CNTNAP3B: variants seen among roughly 807,000 people sequenced by gnomAD.
CNTNAP3B encodes contactin associated protein family member 3B, also known as contactin-associated protein-like 3B.
CNTNAP3B carries 25 observed loss-of-function variants against 108.9 expected under a neutral mutation model. The observed-to-expected ratio is 0.23, with a 90% CI of 0.17 to 0.32. The LOEUF is 0.32. Among genes scored for constraint, CNTNAP3B ranks in the 10% least tolerant of loss-of-function variants. The probability of loss-of-function intolerance (pLI) is 1.00; values close to 1 mark genes in which losing one functional copy is unlikely to be tolerated. For synonymous variants in CNTNAP3B, 103 were observed against 473.4 expected, an observed-to-expected ratio of 0.22 and a Z score of 10.16; for missense variants, 252 against 1,210.4, an observed-to-expected ratio of 0.21 and a Z score of 11.75.
At chr9:41,918,660 C>A (rs1303359913) in intron 18 of CNTNAP3B, among the ~76,000 whole-genome samples, 2 of 141,538 alleles carry the variant, frequency 1.4e-5, no homozygotes, top group African/African-American at 5.5e-5. Flanking sequence ...CATTTACTTA[C>A]CATATAACGT....
chr9:42,127,718 A>G (rs933995132), intron 1 of CNTNAP3B, among the ~76,000 whole-genome samples: 1 of 139,648 alleles, frequency 7.2e-6, no homozygotes, highest in Non-Finnish European at 1.5e-5. Context: ...TGACCAAAGC[A>G]ATCCGGAGCT....
At chr9:41,956,196 C>T (rs1464806027) in intron 12 of CNTNAP3B, among the ~76,000 whole-genome samples, 5 of 152,148 alleles carry the variant, frequency 3.3e-5, no homozygotes, top group Non-Finnish European at 7.3e-5. Context: ...ACCATCCTGG[C>T]TAACATAGTA....
chr9:42,127,240 C>T (rs1250652992), intron 1 of CNTNAP3B, among the ~76,000 whole-genome samples: 4 of 138,520 alleles, frequency 2.9e-5, no homozygotes, highest in Non-Finnish European at 6.2e-5. Flanking sequence ...GTGCTGAGTC[C>T]GTTTGGAATA....
intron 14 of CNTNAP3B, among the ~76,000 whole-genome samples, chr9:41,935,940 C>T (rs1462018893): frequency 6.6e-6 from 1 of 152,290 alleles, no homozygotes; most frequent in Non-Finnish European, 1.5e-5. Context: ...ATCCCCTCCT[C>T]AAACTCAGTT....
At chr9:42,121,412 G>T (rs1828459190) in intron 1 of CNTNAP3B, among the ~76,000 whole-genome samples, 1 of 138,996 alleles carries the variant, frequency 7.2e-6, no homozygotes, top group African/African-American at 2.9e-5. Flanking sequence ...TTCCAGAATG[G>T]AATGTGGGCA....
intron 2 of CNTNAP3B, among the ~76,000 whole-genome samples, chr9:42,101,984 G>T (rs1313053920): frequency 3.6e-5 from 3 of 83,496 alleles, no homozygotes; most frequent in African/African-American, 1.4e-4. Context: ...TTGAGCTCAG[G>T]AGGCGGAGCT....
intron 15 of CNTNAP3B, among the ~76,000 whole-genome samples, chr9:41,927,503 C>A (rs1199474962): frequency 1.4e-5 from 2 of 143,044 alleles, no homozygotes; most frequent in Admixed American, 7.3e-5. Context: ...GTATAAAAGC[C>A]AGACTGAATG....
intron 12 of CNTNAP3B, among the ~76,000 whole-genome samples, chr9:41,957,730 T>G (rs1331319307): frequency 6.6e-6 from 1 of 152,248 alleles, no homozygotes; most frequent in Non-Finnish European, 1.5e-5. Context: ...CCCTGCCATA[T>G]CTGACTCTGG....
chr9:41,927,399 A>G (rs1408505630), intron 15 of CNTNAP3B, among the ~76,000 whole-genome samples: 17 of 146,184 alleles, frequency 1.2e-4, no homozygotes, highest in Admixed American at 6.9e-5. Context: ...AGAAAAAAAG[A>G]AGACAGGAAA....
intron 15 of CNTNAP3B, among the ~76,000 whole-genome samples, chr9:41,926,980 T>C (rs1237458581): frequency 6.6e-6 from 1 of 152,308 alleles, no homozygotes; most frequent in East Asian, 1.9e-4. Context: ...GCTACAAATT[T>C]CCAGGGGTTA....
chr9:41,940,879 G>A (rs1824321149), intron 13 of CNTNAP3B, among the ~76,000 whole-genome samples: 1 of 152,284 alleles, frequency 6.6e-6, no homozygotes, highest in Admixed American at 6.5e-5. Flanking sequence ...TTTGTCGCTA[G>A]CAGACATTCC....
intron 4 of CNTNAP3B, among the ~76,000 whole-genome samples, chr9:42,004,767 TTAGAA>T (rs1223806586): frequency 3.4e-5 from 4 of 118,758 alleles, no homozygotes; most frequent in African/African-American, 8.7e-5. Context: ...TAATAATAAG[TTAGAA>T]TAGATGTATT....
At position 42,121,230 on chromosome 9, in the gene CNTNAP3B, G is replaced by A. The variant is rs1221757340; in HGVS notation, c.85+7780C>T. On this transcript the variant is annotated intron_variant, in intron 1 of 23. Coordinates refer to ENST00000377561, the MANE Select transcript of CNTNAP3B (RefSeq NM_001201380.3). ...CCTGAGAGCTTCCCAGGGAGTTCAC[G>A]CCCCAGTTGCTCACAGAAGTGACCA... 2.3e-4 allele frequency among the ~76,000 whole-genome samples: 32 copies of A among 138,508 alleles called. 3 individuals carry two copies. Among genetic ancestry groups the A allele is most frequent in the African/African-American group, 6.6e-4 (23 of 34,792 alleles). 90.9% of individuals were successfully genotyped at this position (138,508 alleles called of 152,430 possible).
chr9:41,983,115 A>G (rs1197416557), intron 9 of CNTNAP3B, among the ~76,000 whole-genome samples: 1 of 133,568 alleles, frequency 7.5e-6, no homozygotes, highest in African/African-American at 3.0e-5. Context: ...GGGTGATGGA[A>G]TAATCTGTAC....
Position 42,080,441 on chromosome 9 carries a change from C to T in CNTNAP3B, c.197-3379G>A, listed in dbSNP as rs1225586957. On this transcript the variant is annotated intron_variant, in intron 2 of 23. Transcript: ENST00000377561. ...TTTTAAGGGTAAGCTGCTGTGCACA[C>T]AATTTAATTAAACGCTGAGTGGAAA... is the stretch of plus-strand genomic sequence containing the variant. 1.4e-5 allele frequency among the ~76,000 whole-genome samples: 2 copies of T among 139,318 alleles called. 1 individual carries two copies. The highest frequency in any genetic ancestry group is 3.1e-5 in the Non-Finnish European group (2 of 65,014). 91.4% of individuals were successfully genotyped at this position (139,318 alleles called of 152,430 possible).
intron 1 of CNTNAP3B, among the ~76,000 whole-genome samples, chr9:42,119,368 T>G (rs938936256): frequency 7.5e-6 from 1 of 132,808 alleles, no homozygotes; most frequent in Non-Finnish European, 1.6e-5. Context: ...TGCTCATGGG[T>G]AGGAAGAATC....
intron 18 of CNTNAP3B, among the ~76,000 whole-genome samples, chr9:41,917,171 G>A (rs1823538694): frequency 1.3e-5 from 2 of 152,172 alleles, no homozygotes; most frequent in South Asian, 4.1e-4. Flanking sequence ...ATATGTTGGT[G>A]TGCTTAGTTA....
At chr9:41,945,366 C>G (rs1311693160) in intron 13 of CNTNAP3B, among the ~76,000 whole-genome samples, 1 of 152,308 alleles carries the variant, frequency 6.6e-6, no homozygotes, top group Non-Finnish European at 1.5e-5. Context: ...GGAACCAACC[C>G]AAATGTCCAT....
rs1322385607 is a variant in CNTNAP3B, at chr9:42,098,038, G to C, written c.196+6591C>G. Among the ~76,000 whole-genome samples the C allele has an allele frequency of 3.6e-5, 5 of 138,088 alleles. 2 individuals are homozygous for C. Among genetic ancestry groups the C allele is most frequent in the African/African-American group, 1.2e-4 (4 of 34,678 alleles). 90.6% of individuals were successfully genotyped at this position (138,088 alleles called of 152,430 possible). A position where few individuals can be genotyped will look rare whatever the true frequency, so the allele number is the denominator to read the frequency against. ...ACACAGAATTTGGAAAAACGAGGGAGTGATATCTCTAAGATTTTTTTCCAC... is the reference window on the plus strand; with the variant it reads ...ACACAGAATTTGGAAAAACGAGGGACTGATATCTCTAAGATTTTTTTCCAC... On this transcript the variant is annotated intron_variant, in intron 2 of 23. Transcript: ENST00000377561.
Sources: gnomAD v4.1 joint callset for allele counts (sites outside exome capture counted in the v4.1 genomes callset) on GRCh38, gnomAD v4.1.1 for gene constraint, MANE v1.5 for transcripts, NCBI Gene and HGNC (gene_info 2026-07-23, HGNC 2026-07-21) for gene names.